Variants in CDH9 observed in about 807,000 individuals in gnomAD.
CDH9 encodes cadherin 9.
Under a neutral mutation model 70.9 loss-of-function variants are expected in CDH9, and 28 were observed. That is an observed-to-expected ratio of 0.40 (90% CI 0.29 to 0.54). The LOEUF is 0.54. Ranked by LOEUF, CDH9 falls within the 20% of genes least tolerant of loss-of-function variation. The pLI, the probability that CDH9 is intolerant of heterozygous loss-of-function variation, is 0.59. For missense variants in CDH9, 874 were observed against 984.4 expected, an observed-to-expected ratio of 0.89 and a Z score of 1.50; for synonymous variants, 409 against 343.1, an observed-to-expected ratio of 1.19 and a Z score of -2.12.
At chr5:26,899,632 C>T (rs1329690560) in intron 7 of CDH9, among the ~76,000 whole-genome samples, 2 of 151,818 alleles carry the variant, frequency 1.3e-5, no homozygotes, top group Non-Finnish European at 2.9e-5. Context: ...GAACATCACA[C>T]ACTGGGGCCT....
intron 9 of CDH9, among the ~76,000 whole-genome samples, chr5:26,886,959 G>T (rs1740576189): frequency 6.6e-6 from 1 of 152,054 alleles, no homozygotes; most frequent in Non-Finnish European, 1.5e-5. Context: ...AAATAGACAG[G>T]TCTCATAGTC....
intron 2 of CDH9, among the ~76,000 whole-genome samples, chr5:26,949,041 A>G (rs1216789620): frequency 2.6e-5 from 4 of 152,154 alleles, no homozygotes; most frequent in Non-Finnish European, 4.4e-5. Context: ...ATACTTAAAG[A>G]ATGTCTTATA....
chr5:26,890,764 T>C, intron 7 of CDH9, 200 bp from the exon 8 acceptor site: 1 of 525,358 alleles, frequency 1.9e-6, no homozygotes, highest in Admixed American at 3.3e-5. Flanking sequence ...TACTATATTA[T>C]CCTATGTGTA....
At chr5:26,948,769 C>T (rs1382934) in intron 2 of CDH9, among the ~76,000 whole-genome samples, 19,041 of 152,106 alleles carry the variant, frequency 0.13, 3,986 homozygotes, top group African/African-American at 0.44. Context: ...AATTGAAACA[C>T]TTGCTATTGA....
intron 2 of CDH9, among the ~76,000 whole-genome samples, chr5:26,974,481 T>C (rs1330547604): frequency 6.6e-6 from 1 of 152,116 alleles, no homozygotes; most frequent in Non-Finnish European, 1.5e-5. Context: ...AATGTTATAG[T>C]CCTGTGCTCA....
intron 2 of CDH9, among the ~76,000 whole-genome samples, chr5:26,938,081 G>T (rs1195768765): frequency 6.6e-6 from 1 of 151,918 alleles, no homozygotes; most frequent in African/African-American, 2.4e-5. Flanking sequence ...GGGGCAAGGT[G>T]TAGAGGGAGG....
intron 1 of CDH9, among the ~76,000 whole-genome samples, chr5:26,992,221 G>A (rs1393598524): frequency 4.6e-5 from 7 of 152,132 alleles, no homozygotes; most frequent in African/African-American, 1.7e-4. Context: ...ACCTCCTGCT[G>A]TGCAGCCTGG....
At chr5:27,020,032 T>C (rs913485653) in intron 1 of CDH9, among the ~76,000 whole-genome samples, 1 of 151,868 alleles carries the variant, frequency 6.6e-6, no homozygotes, top group African/African-American at 2.4e-5. Context: ...TATTAACTTA[T>C]ATTCTTTGTT....
In CDH9 at chr5:26,990,510, T is replaced by A. The variant is rs1579498373; in HGVS notation, c.-49-2128A>T. On this transcript the variant is annotated intron_variant, in intron 1 of 11. Coordinates refer to ENST00000231021, the MANE Select transcript of CDH9 (RefSeq NM_016279.4). Reference sequence around the variant, plus strand: ...CATCAGGACTTTATGTGGCTATTTGTAATCCTGTAAACTGTGGAATAATTG... The same window carrying A: ...CATCAGGACTTTATGTGGCTATTTGAAATCCTGTAAACTGTGGAATAATTG... Among the ~76,000 whole-genome samples the A allele has an allele frequency of 2.0e-5, 3 of 152,224 alleles. No homozygotes were observed. The East Asian group carries it at 5.8e-4, about 29-fold the overall frequency.
intron 2 of CDH9, among the ~76,000 whole-genome samples, chr5:26,929,054 C>A (rs1357342982): frequency 6.6e-6 from 1 of 151,834 alleles, no homozygotes; most frequent in African/African-American, 2.4e-5. Context: ...AGCAAAGAGA[C>A]AACCTAAAGA....
intron 2 of CDH9, among the ~76,000 whole-genome samples, chr5:26,947,378 C>A (rs1370003230): frequency 6.6e-6 from 1 of 152,108 alleles, no homozygotes; most frequent in Non-Finnish European, 1.5e-5. Context: ...GTGGCCCAAG[C>A]AGTCCCACAA....
At chr5:26,905,862 C>T in intron 5 of CDH9, 97 bp downstream of exon 5, 1 of 890,904 alleles carries the variant, frequency 1.1e-6, no homozygotes, top group Non-Finnish European at 1.8e-6. Context: ...ATGCATAAAC[C>T]AATAGCAAAA....
At position 26,906,103 on chromosome 5, in the gene CDH9, C is replaced by T; in HGVS notation, c.667G>A (p.Asp223Asn). The change falls in exon 5 of 12, where the codon GAC becomes AAC. Residue 223 changes from aspartate to asparagine, a missense_variant. By Grantham distance (23) the Asp-to-Asn change is conservative. Coordinates refer to ENST00000231021, the MANE Select transcript of CDH9 (RefSeq NM_016279.4). The stretch of plus-strand genomic sequence containing the variant: ...TGCTCTCTATTTTCTCTGCTCATGT[C>T]TGGTAATGCAGTTTTTATTATGCCT... ...ESGIIKTALP[D>N]MSRENREQYQ... The T allele has an allele frequency of 1.2e-6, 2 of 1,612,504 alleles. No individual in the cohort carries two copies. The highest frequency in any genetic ancestry group is 1.7e-4 in the Middle Eastern group (1 of 6,060).
intron 8 of CDH9, 42 bp downstream of exon 8, chr5:26,890,386 G>A: frequency 6.4e-7 from 1 of 1,574,740 alleles, no homozygotes; most frequent in Non-Finnish European, 8.7e-7. Flanking sequence ...TTACCACTTT[G>A]ATGAAAGACA....
At chr5:26,959,959 C>T (rs1263005504) in intron 2 of CDH9, among the ~76,000 whole-genome samples, 1 of 151,834 alleles carries the variant, frequency 6.6e-6, no homozygotes, top group African/African-American at 2.4e-5. Context: ...AAGTTGATCA[C>T]CATTGAAAAT....
rs1412302190 is a variant in CDH9 at position 26,881,354 on chromosome 5, G to T, written c.2152C>A (p.Arg718=). The T allele has an allele frequency of 1.2e-6, 2 of 1,613,358 alleles. No individual in the cohort carries two copies. The highest frequency in any genetic ancestry group is 8.5e-7 in the Non-Finnish European group (1 of 1,179,548). ...ENIDVQDFIH[R]RLKENDADPS... ...TCTGCGTCGTTTTCTTTTAATCTTC[G>T]ATGGATAAAATCTTGTACATCAATA... The change falls in exon 12 of 12, where the codon CGA becomes AGA. Residue 718 remains arginine (R), a synonymous_variant. Coordinates refer to ENST00000231021, the MANE Select transcript of CDH9 (RefSeq NM_016279.4).
intron 1 of CDH9, among the ~76,000 whole-genome samples, chr5:27,005,500 TA>T (rs1486447622): frequency 3.3e-5 from 5 of 151,982 alleles, no homozygotes; most frequent in African/African-American, 4.8e-5. Context: ...TGGCCATTAT[TA>T]AAAAGTCAAA....
At chr5:27,005,590 T>C (rs1483262691) in intron 1 of CDH9, among the ~76,000 whole-genome samples, 1 of 152,084 alleles carries the variant, frequency 6.6e-6, no homozygotes, top group Non-Finnish European at 1.5e-5. Context: ...GTTCAACTAC[T>C]GTGGAAAGCA....
intron 2 of CDH9, among the ~76,000 whole-genome samples, chr5:26,986,725 C>A (rs185015314): frequency 1.3e-5 from 2 of 152,014 alleles, no homozygotes; most frequent in Non-Finnish European, 2.9e-5. Flanking sequence ...AATTTCACAT[C>A]CTTAGACAAA....
Sources: gnomAD v4.1 joint callset for allele counts (sites outside exome capture counted in the v4.1 genomes callset) on GRCh38, gnomAD v4.1.1 for gene constraint, MANE v1.5 for transcripts, NCBI Gene and HGNC (gene_info 2026-07-23, HGNC 2026-07-21) for gene names.